CEP95: variants seen among roughly 807,000 people sequenced by gnomAD.
CEP95 encodes the protein centrosomal protein 95, also known as centrosomal protein of 95 kDa.
In CEP95, 98 loss-of-function variants were observed where a neutral mutation model predicts 111.2. That is an observed-to-expected ratio of 0.88 (90% CI 0.75 to 1.04). CEP95 has a LOEUF of 1.04. Ranked by LOEUF, CEP95 falls within the 50% of genes least tolerant of loss-of-function variation. The probability of loss-of-function intolerance (pLI) is 0.00; values close to 1 mark genes in which losing one functional copy is unlikely to be tolerated. For synonymous variants in CEP95, 323 were observed against 327.1 expected, an observed-to-expected ratio of 0.99 and a Z score of 0.14; for missense variants, 1,027 against 977.2, an observed-to-expected ratio of 1.05 and a Z score of -0.68.
At position 64,536,599 on chromosome 17, in the gene CEP95, CAG is replaced by C. The variant is rs1968673589; in HGVS notation, c.2071-1_2071del. The C allele has an allele frequency of 1.3e-6, 2 of 1,589,906 alleles. No homozygotes were observed. The highest frequency in any genetic ancestry group is 1.7e-6 in the Non-Finnish European group (2 of 1,169,704). ...ACTATTTTTACGATTAAATAACTGA[CAG>C]ATATTTAAGAAACTGTTTGAAGAAG... On this transcript the variant is annotated splice_acceptor_variant, in intron 17 of 19. Coordinates refer to ENST00000556440, the MANE Select transcript of CEP95 (RefSeq NM_138363.3). LOFTEE classifies it high-confidence loss of function.
Position 64,532,991 on chromosome 17 carries a change from A to C in CEP95, c.1825A>C (p.Lys609Gln), listed in dbSNP as rs782450931. 1.2e-6 allele frequency: 2 copies of C among 1,611,802 alleles called. No individual in the cohort carries two copies. Among genetic ancestry groups the C allele is most frequent in the Non-Finnish European group, 1.7e-6 (2 of 1,179,380 alleles). ...KEACRENRSK[K>Q]KLQDEIEEAL... Reference sequence around the variant, plus strand: ...AGCATGTAGAGAAAATCGATCAAAGAAGAAACTCCAAGATGAAGTAAGTTA... The same window carrying C: ...AGCATGTAGAGAAAATCGATCAAAGCAGAAACTCCAAGATGAAGTAAGTTA... The change falls in exon 15 of 20, where the codon AAG (lysine) becomes CAG (glutamine). Residue 609 changes from lysine to glutamine, a missense_variant. Transcript: ENST00000556440.
rs368585776 is a variant in CEP95 at position 64,514,269 on chromosome 17, A to T, written c.278A>T (p.Asp93Val). 3.3e-5 allele frequency: 48 copies of T among 1,444,360 alleles called. No homozygotes were observed. The African/African-American group carries it at 6.2e-4, about 19-fold the overall frequency. The allele number at this position is 1,444,360 out of a possible 1,614,324, so 89.5% of individuals were successfully genotyped here. A position where few individuals can be genotyped will look rare whatever the true frequency, so the allele number is the denominator to read the frequency against. The change falls in exon 4 of 20, where the codon GAT (aspartate) becomes GTT (valine). Residue 93 changes from aspartate to valine, a missense_variant. Physicochemically the swap from Asp to Val is radical, Grantham distance 152. Transcript: ENST00000556440. Reference sequence around the variant, plus strand: ...CCAGGAGAAAATATAGTGAAAGGAGATAAAGAATCTATTAAGAATCTCCTG... The same window carrying T: ...CCAGGAGAAAATATAGTGAAAGGAGTTAAAGAATCTATTAAGAATCTCCTG... Reference protein sequence around the residue: ...HITGENIVKGDKESIKNLLEI... With the variant: ...HITGENIVKGVKESIKNLLEI...
At chr17:64,537,465 G>C (rs1430045993) in intron 19 of CEP95, 138 bp from the exon 20 acceptor site, 82 of 1,395,088 alleles carry the variant, frequency 5.9e-5, no homozygotes, top group Non-Finnish European at 6.7e-5. Flanking sequence ...ACTTTAGTTA[G>C]GTCTCTGTAA....
chr17:64,514,102 T>A (rs1236981473), intron 3 of CEP95, 146 bp from the exon 4 acceptor site: 6 of 438,866 alleles, frequency 1.4e-5, no homozygotes, highest in South Asian at 7.6e-5. Context: ...TTCTTTTTTT[T>A]ATTTAATCTC....
chr17:64,520,665 T>A (rs1474532935), intron 6 of CEP95: 1 of 152,208 alleles, frequency 6.6e-6, no homozygotes, highest in Non-Finnish European at 1.5e-5. Flanking sequence ...ACTAATAACC[T>A]CAAGTGATCT....
chr17:64,514,997 C>T (rs2039066539), intron 4 of CEP95, among the ~76,000 whole-genome samples: 1 of 151,612 alleles, frequency 6.6e-6, no homozygotes, highest in African/African-American at 2.4e-5. Context: ...CCTCCATTCT[C>T]ACTTTGTTTA....
chr17:64,527,001 A>G, intron 10 of CEP95, 110 bp from the exon 11 acceptor site: 1 of 768,736 alleles, frequency 1.3e-6, no homozygotes, highest in Non-Finnish European at 2.1e-6. Context: ...GCGTCTGAAA[A>G]CTTGTTATTA....
At chr17:64,536,982 G>C (rs574760233) in intron 18 of CEP95, 59 bp from the exon 19 acceptor site, 1 of 1,480,290 alleles carries the variant, frequency 6.8e-7, no homozygotes, top group Non-Finnish European at 9.2e-7. Context: ...ATTAAGAAAT[G>C]TTACATTTGG....
rs782656164 is a variant in CEP95, at chr17:64,527,269, T to C, written c.1306+5T>C. Reference sequence around the variant, plus strand: ...GGCCAAAGAAGTCAAGGCCAGGTACTTACCCCAGAGAGACTGAGAAGGGGG... The same window carrying C: ...GGCCAAAGAAGTCAAGGCCAGGTACCTACCCCAGAGAGACTGAGAAGGGGG... On this transcript the variant is annotated splice_donor_5th_base_variant and intron_variant, in intron 11 of 19. Coordinates refer to ENST00000556440, the MANE Select transcript of CEP95 (RefSeq NM_138363.3). The C allele has an allele frequency of 3.1e-6, 5 of 1,604,874 alleles. No homozygotes were observed. Among genetic ancestry groups the C allele is most frequent in the Admixed American group, 1.7e-5 (1 of 58,686 alleles).
intron 8 of CEP95, among the ~76,000 whole-genome samples, chr17:64,525,391 T>C (rs182129360): frequency 8.5e-5 from 13 of 152,310 alleles, no homozygotes; most frequent in African/African-American, 3.1e-4. Context: ...GTCTTTGTTT[T>C]AACTGTTTCA....
chr17:64,512,377 G>C (rs1206795485), intron 3 of CEP95, among the ~76,000 whole-genome samples: 1 of 152,156 alleles, frequency 6.6e-6, no homozygotes, highest in Non-Finnish European at 1.5e-5. Context: ...TTTGAACCAT[G>C]TTATCTATTC....
At chr17:64,527,078 A>G (rs782613287) in intron 10 of CEP95, 33 bp from the exon 11 acceptor site, 2 of 1,587,706 alleles carry the variant, frequency 1.3e-6, no homozygotes, top group Non-Finnish European at 1.7e-6. Flanking sequence ...TGCTGAAATC[A>G]GTGAAAGATG....
intron 16 of CEP95, 31 bp from the exon 17 acceptor site, chr17:64,534,554 C>T (rs201202166): frequency 3.8e-6 from 6 of 1,597,660 alleles, no homozygotes; most frequent in African/African-American, 1.3e-5. Flanking sequence ...TTGTCCTTAC[C>T]CTTCTCTTCC....
At chr17:64,536,963 C>T in intron 18 of CEP95, 78 bp from the exon 19 acceptor site, 2 of 1,371,792 alleles carry the variant, frequency 1.5e-6, no homozygotes, top group South Asian at 2.6e-5. Context: ...TGATTTTAAG[C>T]CTGTGAACAT....
At chr17:64,531,852 A>C in intron 13 of CEP95, 38 bp from the exon 14 acceptor site, 2 of 1,418,412 alleles carry the variant, frequency 1.4e-6, no homozygotes, top group East Asian at 2.5e-5. Flanking sequence ...GAACTGTTAG[A>C]CCTTTTATTT....
chr17:64,506,961 C>A, upstream of CEP95: 1 of 919,492 alleles, frequency 1.1e-6, no homozygotes, highest in Non-Finnish European at 1.7e-6. Context: ...TAACGTCCGT[C>A]CTTCTTTCAC....
chr17:64,535,009 CTACTT>C, intron 17 of CEP95: 1 of 414,048 alleles, frequency 2.4e-6, no homozygotes. Context: ...TCCAGTAAAA[CTACTT>C]TAGAGGTTTG....
At chr17:64,516,069 T>C (rs941164842) in intron 4 of CEP95, 2 of 152,158 alleles carry the variant, frequency 1.3e-5, no homozygotes, top group Non-Finnish European at 2.9e-5. Context: ...GCATAATAAA[T>C]GTTAATTGAT....
At chr17:64,523,085 T>C (rs1354920870) in intron 8 of CEP95, among the ~76,000 whole-genome samples, 190 bp downstream of exon 8, 1 of 152,184 alleles carries the variant, frequency 6.6e-6, no homozygotes, top group Non-Finnish European at 1.5e-5. Flanking sequence ...AGTCAAAGCA[T>C]CGTACTCCTT....
Sources: gnomAD v4.1 joint callset for allele counts (sites outside exome capture counted in the v4.1 genomes callset) on GRCh38, gnomAD v4.1.1 for gene constraint, MANE v1.5 for transcripts, NCBI Gene and HGNC (gene_info 2026-07-23, HGNC 2026-07-21) for gene names.